Variants in NAV3 observed in about 807,000 individuals in gnomAD.
The protein encoded by NAV3 is neuron navigator 3.
A neutral mutation model predicts 244.7 loss-of-function variants in NAV3; 87 were observed. The ratio of observed to expected loss-of-function variants is 0.36; its 90% CI spans 0.30 to 0.42. The LOEUF is 0.42. NAV3 is among the 20% of genes least tolerant of loss of function. The pLI, the probability that NAV3 is intolerant of heterozygous loss-of-function variation, is 1.00. For synonymous variants in NAV3, 1,126 were observed against 1,042.2 expected, an observed-to-expected ratio of 1.08 and a Z score of -1.55; for missense variants, 2,663 against 2,893.3, an observed-to-expected ratio of 0.92 and a Z score of 1.83.
chr12:77,675,156 T>G (rs1874150207), intron 2 of NAV3, among the ~76,000 whole-genome samples: 1 of 152,078 alleles, frequency 6.6e-6, no homozygotes, highest in African/African-American at 2.4e-5. Context: ...TAAAGAAAAA[T>G]GTAGCATTTT....
chr12:77,759,785 T>A (rs1869372494), intron 2 of NAV3, among the ~76,000 whole-genome samples: 1 of 152,104 alleles, frequency 6.6e-6, no homozygotes, highest in Admixed American at 6.5e-5. Flanking sequence ...CATTTCTGGA[T>A]CATATTCCAG....
intron 12 of NAV3, 64 bp downstream of exon 12, chr12:78,059,179 A>G: frequency 1.3e-6 from 2 of 1,496,806 alleles, no homozygotes; most frequent in South Asian, 1.3e-5. Context: ...TAAGAAAATA[A>G]CAGAAAACTC....
intron 1 of NAV3, among the ~76,000 whole-genome samples, chr12:77,844,703 A>C (rs539984813): frequency 6.6e-5 from 10 of 152,300 alleles, no homozygotes; most frequent in South Asian, 2.1e-4. Context: ...GGCAGAAAGA[A>C]TATAGTCATA....
chr12:77,842,342 A>G (rs963289879), intron 1 of NAV3, among the ~76,000 whole-genome samples: 4 of 151,968 alleles, frequency 2.6e-5, no homozygotes, highest in African/African-American at 9.7e-5. Flanking sequence ...CTGCTCATCC[A>G]GTCTCACATC....
At chr12:77,611,133 T>G (rs1325122096) in intron 2 of NAV3, among the ~76,000 whole-genome samples, 2 of 152,034 alleles carry the variant, frequency 1.3e-5, no homozygotes, top group African/African-American at 4.8e-5. Context: ...GAGTTTAGTT[T>G]TATATCTAAT....
At chr12:77,741,148 C>CAAAAAAAA in intron 2 of NAV3, among the ~76,000 whole-genome samples, 65 of 68,636 alleles carry the variant, frequency 9.5e-4, no homozygotes, top group East Asian at 2.7e-3. Context: ...AAAAAAAAGA[C>CAAAAAAAA]AAAAAAAAAA....
chr12:78,170,870 T>C (rs1957971619), intron 24 of NAV3, among the ~76,000 whole-genome samples: 1 of 151,720 alleles, frequency 6.6e-6, no homozygotes, highest in African/African-American at 2.4e-5. Flanking sequence ...CCCTGTGATA[T>C]GTTTCTGGAA....
chr12:77,712,862 A>C (rs1261829581), intron 2 of NAV3, among the ~76,000 whole-genome samples: 1 of 152,184 alleles, frequency 6.6e-6, no homozygotes, highest in Admixed American at 6.5e-5. Flanking sequence ...GAGATCACTT[A>C]AGATTACATA....
intron 8 of NAV3, among the ~76,000 whole-genome samples, chr12:78,016,203 T>G (rs1354839481): frequency 6.6e-6 from 1 of 152,090 alleles, no homozygotes; most frequent in African/African-American, 2.4e-5. Flanking sequence ...ATCTCATTGC[T>G]CCTAGGTTTT....
At chr12:77,892,393 C>T (rs1357497906) in intron 1 of NAV3, among the ~76,000 whole-genome samples, 3 of 151,352 alleles carry the variant, frequency 2.0e-5, no homozygotes, top group African/African-American at 4.9e-5. Context: ...ATAGAGGGGG[C>T]AAGCCCTAAA....
intron 8 of NAV3, 114 bp downstream of exon 8, chr12:78,007,559 G>C: frequency 8.6e-7 from 1 of 1,158,502 alleles, no homozygotes; most frequent in Non-Finnish European, 1.2e-6. Flanking sequence ...TTGGAGTAAA[G>C]TTTCATGCTA....
At chr12:77,755,483 C>T (rs995482259) in intron 2 of NAV3, among the ~76,000 whole-genome samples, 3 of 149,212 alleles carry the variant, frequency 2.0e-5, no homozygotes, top group South Asian at 2.1e-4. Flanking sequence ...TCCTCCCTTC[C>T]TCCCTTTCTC....
intron 3 of NAV3, among the ~76,000 whole-genome samples, chr12:77,946,678 T>A (rs1890379856): frequency 6.6e-6 from 1 of 152,046 alleles, no homozygotes; most frequent in South Asian, 2.1e-4. Context: ...TGAGCTTACA[T>A]GAGGAAATAA....
Position 77,908,678 on chromosome 12 carries a change from C to T in NAV3, c.244-31641C>T, listed in dbSNP as rs569249918. 6.6e-5 allele frequency among the ~76,000 whole-genome samples: 10 copies of T among 152,070 alleles called. 1 individual carries two copies. The South Asian group carries it at 2.1e-3, about 32-fold the overall frequency. On this transcript the variant is annotated intron_variant, in intron 1 of 39. Transcript: ENST00000397909. ...TTTCTTTGATAACTGGCTTAGAGAT[C>T]ATTAAAATATCTGATTAATGAGTAG...
chr12:77,622,714 C>T (rs900027524), intron 2 of NAV3, among the ~76,000 whole-genome samples: 26 of 152,046 alleles, frequency 1.7e-4, no homozygotes, highest in African/African-American at 6.0e-4. Context: ...TCACTGTGAA[C>T]CACTGTGACC....
At chr12:77,898,628 A>T (rs973049939) in intron 1 of NAV3, among the ~76,000 whole-genome samples, 1 of 152,226 alleles carries the variant, frequency 6.6e-6, no homozygotes, top group Non-Finnish European at 1.5e-5. Flanking sequence ...TGGGTTGAGG[A>T]ACACAGATAA....
intron 18 of NAV3, among the ~76,000 whole-genome samples, chr12:78,134,613 A>G (rs74830252): frequency 0.11 from 16,525 of 152,242 alleles, 996 homozygotes; most frequent in East Asian, 0.26. Context: ...CCAGCCAGAC[A>G]CATTGGATCA....
At chr12:77,709,979 T>C (rs1263937437) in intron 2 of NAV3, among the ~76,000 whole-genome samples, 1 of 152,168 alleles carries the variant, frequency 6.6e-6, no homozygotes, top group African/African-American at 2.4e-5. Flanking sequence ...AATCATAAAC[T>C]CTTCTAAAGT....
intron 6 of NAV3, among the ~76,000 whole-genome samples, chr12:77,997,045 G>A (rs1872463922): frequency 6.6e-6 from 1 of 151,962 alleles, no homozygotes; most frequent in African/African-American, 2.4e-5. Flanking sequence ...TTCAAGACCA[G>A]CCTAGCCAAC....
Sources: allele counts gnomAD v4.1 joint callset (sites outside exome capture counted in the v4.1 genomes callset), GRCh38; gene constraint gnomAD v4.1.1; transcripts MANE v1.5; gene names NCBI Gene and HGNC (gene_info 2026-07-23, HGNC 2026-07-21).